Variants in ACBD7 observed in about 807,000 individuals in gnomAD.
ACBD7 encodes acyl-CoA-binding domain-containing protein 7.
ACBD7 carries 11 observed loss-of-function variants against 13.7 expected under a neutral mutation model. The observed-to-expected ratio is 0.80, with a 90% CI of 0.50 to 1.33. The LOEUF (loss-of-function observed/expected upper bound fraction) is 1.33, where lower values mean the gene tolerates loss of function less well. Ranked by LOEUF, ACBD7 falls within the 40% of genes most tolerant of loss-of-function variation. ACBD7 has a pLI of 0.00. For synonymous variants in ACBD7, 43 were observed against 37.7 expected (o/e 1.14, Z -0.51); for missense variants, 111 against 103.0 (o/e 1.08, Z -0.33).
In ACBD7 at chr10:15,075,948, T is replaced by C. The variant is rs1844675223; in HGVS notation, c.*2582A>G. 1 of 330,310 alleles carries C rather than the reference T, an allele frequency of 3.0e-6. No individual in the cohort carries two copies. The highest frequency in any genetic ancestry group is 4.0e-6 in the Non-Finnish European group (1 of 246,984). The allele number at this position is 330,310 out of a possible 1,614,324, so 20.5% of individuals were successfully genotyped here. ...GAGAGCGTGCCACTGCGCTCCAGCCTGGGTAACAGAGTGACAGCCTGTCTC... is the reference window on the plus strand; with the variant it reads ...GAGAGCGTGCCACTGCGCTCCAGCCCGGGTAACAGAGTGACAGCCTGTCTC... On this transcript the variant is annotated 3_prime_UTR_variant, in exon 4 of 4. Transcript: ENST00000356189.
At chr10:15,084,588 C>T (rs1462360746) in intron 1 of ACBD7, among the ~76,000 whole-genome samples, 1 of 152,192 alleles carries the variant, frequency 6.6e-6, no homozygotes, top group African/African-American at 2.4e-5. Flanking sequence ...ATCCCTGTTA[C>T]AGAATTTTCT....
Position 15,076,199 on chromosome 10 carries a change from T to G in ACBD7, c.*2331A>C, listed in dbSNP as rs972357917. On this transcript the variant is annotated 3_prime_UTR_variant, in exon 4 of 4. Transcript: ENST00000356189. ...TGCAGGGAATAGAGGTACACTGTTT[T>G]GGGGGATATTTATCTTAAGGGATCT... 3 of 985,160 alleles carry G rather than the reference T, an allele frequency of 3.0e-6. No individual in the cohort carries two copies. The highest frequency in any genetic ancestry group is 5.2e-4 in the Middle Eastern group (1 of 1,936). The allele number at this position is 985,160 out of a possible 1,614,324, so 61.0% of individuals were successfully genotyped here.
At position 15,077,005 on chromosome 10, in the gene ACBD7, A is replaced by G; in HGVS notation, c.*1525T>C. 1 of 885,824 alleles carries G rather than the reference A, an allele frequency of 1.1e-6. No individual in the cohort carries two copies. The highest frequency in any genetic ancestry group is 1.8e-5 in the African/African-American group (1 of 55,270). The allele number at this position is 885,824 out of a possible 1,614,324, so 54.9% of individuals were successfully genotyped here. On this transcript the variant is annotated 3_prime_UTR_variant, in exon 4 of 4. Coordinates refer to ENST00000356189, the MANE Select transcript of ACBD7 (RefSeq NM_001039844.3). ...ATTGGTGGGAATGTAAATTAGTACA[A>G]CCTCTATGAAAAACAGCACGGAAAT...
intron 1 of ACBD7, among the ~76,000 whole-genome samples, chr10:15,084,506 C>T (rs561380794): frequency 6.6e-6 from 1 of 152,270 alleles, no homozygotes; most frequent in East Asian, 1.9e-4. Context: ...AATGAAGCAA[C>T]AAAAGCCGAG....
intron 1 of ACBD7, among the ~76,000 whole-genome samples, chr10:15,085,113 C>T (rs936330102): frequency 1.3e-5 from 2 of 152,152 alleles, no homozygotes; most frequent in African/African-American, 2.4e-5. Context: ...TTCTCCTGAG[C>T]GAGGGGTCCT....
chr10:15,078,247 T>C lies in ACBD7; in HGVS notation c.*283A>G, dbSNP rs1178431986. On this transcript the variant is annotated 3_prime_UTR_variant, in exon 4 of 4. Transcript: ENST00000356189. Reference sequence around the variant, plus strand: ...GAATGATGGTTTCCAGCTTCATCCATGTCCCTGCAAAGGACATGAACTCAT... The same window carrying C: ...GAATGATGGTTTCCAGCTTCATCCACGTCCCTGCAAAGGACATGAACTCAT... The C allele has an allele frequency of 5.9e-5, 45 of 758,320 alleles. No homozygotes were observed. Among genetic ancestry groups the C allele is most frequent in the Non-Finnish European group, 7.2e-5 (42 of 580,140 alleles). 47.0% of individuals were successfully genotyped at this position (758,320 alleles called of 1,614,324 possible).
Position 15,078,606 on chromosome 10 carries a change from A to G in ACBD7, c.194-3T>C, listed in dbSNP as rs1293837727. ...CGTCGCATCTTCCGTCGACAACCCT[A>G]GAAAGATACAAACAGGTTATCTCCC... is the stretch of plus-strand genomic sequence containing the variant. On this transcript the variant is annotated splice_polypyrimidine_tract_variant and splice_region_variant and intron_variant, in intron 3 of 3. Transcript: ENST00000356189. 1 of 1,614,160 alleles carries G rather than the reference A, an allele frequency of 6.2e-7. No homozygotes were observed. The highest frequency in any genetic ancestry group is 1.1e-5 in the South Asian group (1 of 91,082).
chr10:15,087,612 A>C (rs1177735087), intron 1 of ACBD7, among the ~76,000 whole-genome samples: 4 of 151,990 alleles, frequency 2.6e-5, no homozygotes, highest in Admixed American at 6.6e-5. Flanking sequence ...CCCCATCTCC[A>C]CTAAAAATAG....
chr10:15,078,295 T>C lies in ACBD7; in HGVS notation c.*235A>G. 7.6e-7 allele frequency: 1 copy of C among 1,308,688 alleles called. No individual in the cohort carries two copies. Among genetic ancestry groups the C allele is most frequent in the Non-Finnish European group, 9.9e-7 (1 of 1,013,622 alleles). The allele number at this position is 1,308,688 out of a possible 1,614,324, so 81.1% of individuals were successfully genotyped here. On this transcript the variant is annotated 3_prime_UTR_variant, in exon 4 of 4. Coordinates refer to ENST00000356189, the MANE Select transcript of ACBD7 (RefSeq NM_001039844.3). ...CATCCCTTTTTATGGCTCCATAGTA[T>C]TCCATGGTGTATATGTGCCACATTT...
chr10:15,085,722 A>G (rs1425163889), intron 1 of ACBD7, among the ~76,000 whole-genome samples: 1 of 152,248 alleles, frequency 6.6e-6, no homozygotes, highest in African/African-American at 2.4e-5. Flanking sequence ...GCTCTCCTAA[A>G]TGCTTTGGTG....
chr10:15,085,574 G>A (rs967531247), intron 1 of ACBD7, among the ~76,000 whole-genome samples: 1 of 152,208 alleles, frequency 6.6e-6, no homozygotes, highest in Non-Finnish European at 1.5e-5. Flanking sequence ...TGGGCTGGGG[G>A]AAGAGGTTAG....
chr10:15,076,202 G>T lies in ACBD7; in HGVS notation c.*2328C>A. On this transcript the variant is annotated 3_prime_UTR_variant, in exon 4 of 4. Transcript: ENST00000356189. ...AGGGAATAGAGGTACACTGTTTTGG[G>T]GGATATTTATCTTAAGGGATCTCAA... is the stretch of plus-strand genomic sequence containing the variant. The T allele has an allele frequency of 1.0e-6, 1 of 985,100 alleles. No homozygotes were observed. Among genetic ancestry groups the T allele is most frequent in the South Asian group, 4.7e-5 (1 of 21,278 alleles). 61.0% of individuals were successfully genotyped at this position (985,100 alleles called of 1,614,324 possible). A position where few individuals can be genotyped will look rare whatever the true frequency, so the allele number is the denominator to read the frequency against.
intron 1 of ACBD7, among the ~76,000 whole-genome samples, chr10:15,085,416 G>A (rs1844797762): frequency 6.6e-6 from 1 of 152,192 alleles, no homozygotes; most frequent in South Asian, 2.1e-4. Context: ...CACCTCACCT[G>A]ACTTTACTTT....
At position 15,077,423 on chromosome 10, in the gene ACBD7, G is replaced by C. The variant is rs1352886606; in HGVS notation, c.*1107C>G. The C allele has an allele frequency of 6.6e-6, 1 of 152,112 alleles. No homozygotes were observed. The highest frequency in any genetic ancestry group is 1.5e-5 in the Non-Finnish European group (1 of 68,028). 9.4% of individuals were successfully genotyped at this position (152,112 alleles called of 1,614,324 possible). A position where few individuals can be genotyped will look rare whatever the true frequency, so the allele number is the denominator to read the frequency against. On this transcript the variant is annotated 3_prime_UTR_variant, in exon 4 of 4. Coordinates refer to ENST00000356189, the MANE Select transcript of ACBD7 (RefSeq NM_001039844.3). ...TCACTTATAAGTGGGAGTTAAACAG[G>C]GTGTATACAGGGTCATGGAGTGTGG...
chr10:15,086,526 G>C lies in ACBD7; in HGVS notation c.12+2191C>G, dbSNP rs116130500. ...CTTTCAGATCTTTCAGGAAATTTTA[G>C]AAAGAACATTTTGATCATTTTGGAG... On this transcript the variant is annotated intron_variant, in intron 1 of 3. Coordinates refer to ENST00000356189, the MANE Select transcript of ACBD7 (RefSeq NM_001039844.3). Among the ~76,000 whole-genome samples the C allele has an allele frequency of 2.0e-3, 311 of 152,292 alleles. 2 individuals carry two copies. Among genetic ancestry groups the C allele is most frequent in the African/African-American group, 7.2e-3 (300 of 41,574 alleles).
intron 1 of ACBD7, among the ~76,000 whole-genome samples, chr10:15,080,684 C>T (rs12255460): frequency 1.3e-5 from 2 of 152,166 alleles, no homozygotes; most frequent in African/African-American, 4.8e-5. Context: ...CTCAGGCTGG[C>T]CCAGGGTTCA....
In ACBD7 at chr10:15,078,964, T is replaced by A. The variant is rs751767832; in HGVS notation, c.89A>T (p.Tyr30Phe). Residue 30 changes from tyrosine to phenylalanine, a missense_variant, in exon 2 of 4, where the codon TAT (tyrosine) becomes TTT (phenylalanine). By Grantham distance (22) the Tyr-to-Phe change is conservative (BLOSUM62 3). Coordinates refer to ENST00000356189, the MANE Select transcript of ACBD7 (RefSeq NM_001039844.3). ...RPDDGELKEL[Y>F]GLYKQAIVGD... Reference sequence around the variant, plus strand: ...AACTATTGCTTGTTTGTAAAGCCCATAGAGTTCTTTCAGTTCTCCATCATC... The same window carrying A: ...AACTATTGCTTGTTTGTAAAGCCCAAAGAGTTCTTTCAGTTCTCCATCATC... 1 of 1,606,956 alleles carries A rather than the reference T, an allele frequency of 6.2e-7. No homozygotes were observed. The highest frequency in any genetic ancestry group is 8.5e-7 in the Non-Finnish European group (1 of 1,176,460).
rs1385187155 is a variant in ACBD7, at chr10:15,075,725, G to T, written c.*2805C>A. On this transcript the variant is annotated 3_prime_UTR_variant, in exon 4 of 4. Coordinates refer to ENST00000356189, the MANE Select transcript of ACBD7 (RefSeq NM_001039844.3). ...GCGGTGGCTCATGCCTATAGTCTCAGCACTTTGGGGGGCCAAGGTGGGTAG... is the reference window on the plus strand; with the variant it reads ...GCGGTGGCTCATGCCTATAGTCTCATCACTTTGGGGGGCCAAGGTGGGTAG... 1.3e-5 allele frequency among the ~76,000 whole-genome samples: 2 copies of T among 152,120 alleles called. No individual in the cohort carries two copies. The highest frequency in any genetic ancestry group is 4.8e-5 in the African/African-American group (2 of 41,448).
At position 15,076,183 on chromosome 10, in the gene ACBD7, T is replaced by C; in HGVS notation, c.*2347A>G. 7 of 985,298 alleles carry C rather than the reference T, an allele frequency of 7.1e-6. No homozygotes were observed. The highest frequency in any genetic ancestry group is 8.4e-6 in the Non-Finnish European group (7 of 829,880). 61.0% of individuals were successfully genotyped at this position (985,298 alleles called of 1,614,324 possible). A position where few individuals can be genotyped will look rare whatever the true frequency, so the allele number is the denominator to read the frequency against. On this transcript the variant is annotated 3_prime_UTR_variant, in exon 4 of 4. Coordinates refer to ENST00000356189, the MANE Select transcript of ACBD7 (RefSeq NM_001039844.3). The stretch of plus-strand genomic sequence containing the variant: ...CAAATCTAAATTTTTATGCAGGGAA[T>C]AGAGGTACACTGTTTTGGGGGATAT...
Sources: allele counts gnomAD v4.1 joint callset (sites outside exome capture counted in the v4.1 genomes callset), GRCh38; gene constraint gnomAD v4.1.1; transcripts MANE v1.5; gene names NCBI Gene and HGNC (gene_info 2026-07-23, HGNC 2026-07-21).